Variants in RIN3 observed in about 807,000 individuals in gnomAD.
RIN3 encodes the protein RAB5 interacting protein 3.
In RIN3, 54 loss-of-function variants were observed where a neutral mutation model predicts 76.3. That is an observed-to-expected ratio of 0.71 (90% confidence interval 0.57 to 0.89). RIN3 has a LOEUF of 0.89. RIN3 is among the 40% of genes least tolerant of loss of function. The pLI, the probability that RIN3 is intolerant of heterozygous loss-of-function variation, is 0.00. For synonymous variants in RIN3, 576 were observed against 564.0 expected (o/e 1.02, Z -0.30); for missense variants, 1,256 against 1,322.1 (o/e 0.95, Z 0.78).
At chr14:92,647,536 C>CTT (rs369483806) in intron 5 of RIN3, among the ~76,000 whole-genome samples, 302 of 152,258 alleles carry the variant, frequency 2.0e-3, no homozygotes, top group African/African-American at 7.0e-3. Flanking sequence ...TTGTAACTTG[C>CTT]TTTTTCCTTT....
At chr14:92,571,627 G>A (rs1460043298) in intron 2 of RIN3, among the ~76,000 whole-genome samples, 1 of 152,144 alleles carries the variant, frequency 6.6e-6, no homozygotes, top group Non-Finnish European at 1.5e-5. Context: ...GACTCCACGG[G>A]CTGCTCCTCC....
intron 3 of RIN3, among the ~76,000 whole-genome samples, chr14:92,589,082 G>A (rs1884887812): frequency 6.6e-6 from 1 of 152,140 alleles, no homozygotes; most frequent in Non-Finnish European, 1.5e-5. Context: ...CTACTTAGGT[G>A]CACAGTGAAG....
chr14:92,616,786 A>G (rs1028069079), intron 4 of RIN3, among the ~76,000 whole-genome samples: 3 of 152,124 alleles, frequency 2.0e-5, no homozygotes, highest in Non-Finnish European at 4.4e-5. Context: ...GAGGAAATGA[A>G]ATTGGTTAAA....
intron 1 of RIN3, among the ~76,000 whole-genome samples, chr14:92,525,392 G>T (rs1896703547): frequency 6.6e-6 from 1 of 152,174 alleles, no homozygotes; most frequent in African/African-American, 2.4e-5. Context: ...CACCATAAAG[G>T]GCACAGAATG....
intron 6 of RIN3, among the ~76,000 whole-genome samples, chr14:92,657,370 A>C (rs1197669921): frequency 6.5e-5 from 1 of 15,286 alleles, no homozygotes; most frequent in African/African-American, 7.8e-5. Flanking sequence ...CAAAAAACAA[A>C]AAAGAAAAAA....
chr14:92,660,057 C>T (rs1013160817), intron 7 of RIN3, among the ~76,000 whole-genome samples: 1 of 152,240 alleles, frequency 6.6e-6, no homozygotes, highest in Non-Finnish European at 1.5e-5. Flanking sequence ...GACTTCATCT[C>T]AGCTAATCAC....
intron 1 of RIN3, among the ~76,000 whole-genome samples, chr14:92,526,578 C>A (rs1285565930): frequency 6.6e-6 from 1 of 151,892 alleles, no homozygotes; most frequent in Non-Finnish European, 1.5e-5. Flanking sequence ...CATGGTGAAA[C>A]CCTGTCTCTA....
chr14:92,650,109 TTG>T (rs1293134317), intron 5 of RIN3, among the ~76,000 whole-genome samples: 5 of 152,206 alleles, frequency 3.3e-5, no homozygotes, highest in Non-Finnish European at 7.3e-5. Flanking sequence ...CAAGAGCCTG[TTG>T]TGTTGTTGCC....
intron 8 of RIN3, among the ~76,000 whole-genome samples, chr14:92,679,403 T>G (rs1465659819): frequency 1.3e-5 from 2 of 152,202 alleles, no homozygotes; most frequent in African/African-American, 4.8e-5. Context: ...GGCACATCCC[T>G]GCACCTCTCC....
At chr14:92,629,152 A>AGAGATT (rs1555389530) in intron 4 of RIN3, among the ~76,000 whole-genome samples, 7 of 110,550 alleles carry the variant, frequency 6.3e-5, no homozygotes, top group Non-Finnish European at 9.7e-5. Context: ...AGAGAGAGAG[A>AGAGATT]GATTGATTGA....
At chr14:92,627,499 C>T (rs1886397677) in intron 4 of RIN3, among the ~76,000 whole-genome samples, 1 of 152,240 alleles carries the variant, frequency 6.6e-6, no homozygotes, top group Non-Finnish European at 1.5e-5. Context: ...GCACCGCAAG[C>T]AGTGGTGCCT....
chr14:92,641,325 T>C lies in RIN3; in HGVS notation c.528T>C (p.Gly176=). 3.1e-6 allele frequency: 5 copies of C among 1,612,490 alleles called. No individual in the cohort carries two copies. Among genetic ancestry groups the C allele is most frequent in the Non-Finnish European group, 4.2e-6 (5 of 1,178,638 alleles). Residue 176 remains glycine (G), a synonymous_variant, in exon 5 of 10, where the codon GGT becomes GGC. Coordinates refer to ENST00000216487, the MANE Select transcript of RIN3 (RefSeq NM_024832.5). ...FTDLETIANL[G]LGFWDSSLNP... is the part of the protein sequence containing the mutation. ...ACCTTGAGACCATCGCCAACCTGGG[T>C]CTGGGTGAGTCTTCTCCGAGGGGTT...
chr14:92,634,856 T>A lies in RIN3; in HGVS notation c.441-6382T>A, dbSNP rs1321063128. Among the ~76,000 whole-genome samples the A allele has an allele frequency of 4.1e-3, 528 of 130,288 alleles. 4 individuals carry two copies. The highest frequency in any genetic ancestry group is 0.014 in the African/African-American group (504 of 35,484). 85.5% of individuals were successfully genotyped at this position (130,288 alleles called of 152,430 possible). On this transcript the variant is annotated intron_variant, in intron 4 of 9. Transcript: ENST00000216487. Reference sequence around the variant, plus strand: ...CTGGGTGCCAGAACGAGACTCTATCTAAAAAAAAAAAAAAAAGGTGGATTC... The same window carrying A: ...CTGGGTGCCAGAACGAGACTCTATCAAAAAAAAAAAAAAAAAGGTGGATTC...
At position 92,685,773 on chromosome 14, in the gene RIN3, C is replaced by T. The variant is rs533579478; in HGVS notation, c.2631+623C>T. 6.6e-6 allele frequency: 1 copy of T among 152,318 alleles called. No homozygotes were observed. The highest frequency in any genetic ancestry group is 2.1e-4 in the South Asian group (1 of 4,812). The allele number at this position is 152,318 out of a possible 1,614,324, so 9.4% of individuals were successfully genotyped here. A position where few individuals can be genotyped will look rare whatever the true frequency, so the allele number is the denominator to read the frequency against. On this transcript the variant is annotated intron_variant, in intron 9 of 9. Coordinates refer to ENST00000216487, the MANE Select transcript of RIN3 (RefSeq NM_024832.5). This position sits in a 1 kb window ranked among gnomAD's most constrained non-coding sequence, Gnocchi z 4.7. The stretch of plus-strand genomic sequence containing the variant: ...ACCGCTGCCCTCACTGGTCAATCTC[C>T]CCTTCTTCACTGGCTGTCACTGCCC...
At chr14:92,590,161 A>T (rs1342332206) in intron 3 of RIN3, among the ~76,000 whole-genome samples, 1 of 152,178 alleles carries the variant, frequency 6.6e-6, no homozygotes, top group East Asian at 1.9e-4. Flanking sequence ...CAGTAGCTTG[A>T]CCAGGTTCCT....
At chr14:92,560,741 G>A (rs192505424) in intron 2 of RIN3, among the ~76,000 whole-genome samples, 124 of 151,996 alleles carry the variant, frequency 8.2e-4, no homozygotes, top group South Asian at 2.5e-3. Context: ...ACACCGGGCC[G>A]GATGCGGTGG....
At chr14:92,553,873 C>T (rs1045829889) in intron 1 of RIN3, among the ~76,000 whole-genome samples, 13 of 152,186 alleles carry the variant, frequency 8.5e-5, no homozygotes, top group Non-Finnish European at 1.9e-4. Flanking sequence ...CTCCACCACC[C>T]TGAGAACCCC....
At chr14:92,682,232 A>G (rs114800350) in intron 8 of RIN3, among the ~76,000 whole-genome samples, 1,850 of 152,268 alleles carry the variant, frequency 0.012, 28 homozygotes, top group African/African-American at 0.042. Flanking sequence ...TCCTGTGGCC[A>G]TAAACCCTTT....
At chr14:92,657,940 A>T (rs1321041931) in intron 6 of RIN3, among the ~76,000 whole-genome samples, 5 of 152,140 alleles carry the variant, frequency 3.3e-5, no homozygotes, top group Admixed American at 6.5e-5. Context: ...CTAGGGCAGC[A>T]CAGGTGTCTC....
Sources: allele counts gnomAD v4.1 joint callset (sites outside exome capture counted in the v4.1 genomes callset), GRCh38; gene constraint gnomAD v4.1.1; non-coding constraint Gnocchi (gnomAD v3.1); transcripts MANE v1.5; gene names NCBI Gene and HGNC (gene_info 2026-07-23, HGNC 2026-07-21).